Variants in ATXN1 observed in about 807,000 individuals in gnomAD.
ATXN1 encodes ataxin 1.
ATXN1 carries 8 observed loss-of-function variants against 56.4 expected under a neutral mutation model. The observed-to-expected ratio is 0.14, with a 90% CI of 0.08 to 0.26. ATXN1 has a LOEUF of 0.26. Ranked by LOEUF, ATXN1 falls within the 10% of genes least tolerant of loss-of-function variation. The pLI is 1.00. For missense variants in ATXN1, 987 were observed against 1,106.5 expected, an observed-to-expected ratio of 0.89 and a Z score of 1.53; for synonymous variants, 514 against 494.6, an observed-to-expected ratio of 1.04 and a Z score of -0.52.
chr6:16,621,450 G>C (rs1021693434), intron 3 of ATXN1, among the ~76,000 whole-genome samples: 2 of 152,234 alleles, frequency 1.3e-5, no homozygotes, highest in African/African-American at 4.8e-5. Context: ...GGCCAGGCCC[G>C]GCGGCTCATG....
chr6:16,527,609 C>T (rs934063426), intron 4 of ATXN1, among the ~76,000 whole-genome samples: 9 of 152,098 alleles, frequency 5.9e-5, no homozygotes, highest in Non-Finnish European at 1.2e-4. Context: ...CTGGTCCAGC[C>T]GATGCAATTT....
intron 6 of ATXN1, among the ~76,000 whole-genome samples, chr6:16,427,111 G>C (rs1157309721): frequency 1.3e-5 from 2 of 152,150 alleles, no homozygotes; most frequent in African/African-American, 4.8e-5. Flanking sequence ...GTCCTTGACT[G>C]GGGGCCATGC....
At chr6:16,430,028 C>T (rs1003381805) in intron 6 of ATXN1, among the ~76,000 whole-genome samples, 1 of 152,112 alleles carries the variant, frequency 6.6e-6, no homozygotes, top group African/African-American at 2.4e-5. Context: ...CTAAATTTGC[C>T]TGGAGTGACA....
intron 7 of ATXN1, among the ~76,000 whole-genome samples, chr6:16,323,740 T>C (rs1760738577): frequency 6.6e-6 from 1 of 152,004 alleles, no homozygotes; most frequent in East Asian, 1.9e-4. Flanking sequence ...CTAAGTACCA[T>C]GAAAAGCAAT....
At chr6:16,616,258 G>A (rs1017968081) in intron 3 of ATXN1, 2 of 152,114 alleles carry the variant, frequency 1.3e-5, no homozygotes, top group African/African-American at 4.8e-5. Flanking sequence ...ATGGTCAGTT[G>A]ACCAGGCACA....
intron 2 of ATXN1, among the ~76,000 whole-genome samples, chr6:16,673,428 C>G (rs1444139597): frequency 2.6e-5 from 4 of 152,116 alleles, no homozygotes; most frequent in Non-Finnish European, 5.9e-5. Flanking sequence ...CGTTTCCTTC[C>G]TTATCCTGCT....
chr6:16,308,016 T>C lies in ATXN1; in HGVS notation c.1918-1157A>G, dbSNP rs182034764. Among the ~76,000 whole-genome samples, 340 of 152,172 alleles carry C rather than the reference T, an allele frequency of 2.2e-3. 2 individuals carry two copies. The highest frequency in any genetic ancestry group is 7.9e-3 in the African/African-American group (326 of 41,512). ...TAAAAATACAAAACTTAGCCAGGTG[T>C]GGTGGTGGGCCCCTATAATCCCAGC... On this transcript the variant is annotated intron_variant, in intron 7 of 7. Transcript: ENST00000436367.
intron 6 of ATXN1, among the ~76,000 whole-genome samples, chr6:16,463,332 C>T (rs115031411): frequency 0.016 from 2,409 of 152,218 alleles, 71 homozygotes; most frequent in African/African-American, 0.055. Context: ...TTAACATTAC[C>T]GCAGGAAATC....
chr6:16,639,936 G>A lies in ATXN1; in HGVS notation c.-489+17840C>T, dbSNP rs371611711. On this transcript the variant is annotated intron_variant, in intron 3 of 7. Transcript: ENST00000436367. ...TAGGCATCACATGTGACTGCCTGTTGTTGGACAGAGGCAGATGGACAGAAC... is the reference window on the plus strand; with the variant it reads ...TAGGCATCACATGTGACTGCCTGTTATTGGACAGAGGCAGATGGACAGAAC... Among the ~76,000 whole-genome samples the A allele has an allele frequency of 3.3e-5, 5 of 152,264 alleles. 1 individual carries two copies. The highest frequency in any genetic ancestry group is 1.2e-4 in the African/African-American group (5 of 41,542).
At chr6:16,505,313 G>C (rs1760963249) in intron 5 of ATXN1, among the ~76,000 whole-genome samples, 1 of 152,118 alleles carries the variant, frequency 6.6e-6, no homozygotes, top group African/African-American at 2.4e-5. Flanking sequence ...CAAACCATCA[G>C]ACTTTCTGTT....
intron 6 of ATXN1, among the ~76,000 whole-genome samples, chr6:16,426,876 A>G (rs1759168092): frequency 1.3e-5 from 1 of 76,088 alleles, no homozygotes; most frequent in African/African-American, 3.9e-5. Context: ...TGGGGGAAAG[A>G]AAAAAAAAAA....
intron 3 of ATXN1, among the ~76,000 whole-genome samples, chr6:16,623,801 A>C (rs1763360364): frequency 6.6e-6 from 1 of 152,230 alleles, no homozygotes; most frequent in South Asian, 2.1e-4. Flanking sequence ...CTTCAAAAAC[A>C]TATCCGATGT....
At chr6:16,719,831 C>G (rs1250490216) in intron 2 of ATXN1, among the ~76,000 whole-genome samples, 5 of 152,160 alleles carry the variant, frequency 3.3e-5, no homozygotes, top group Non-Finnish European at 7.4e-5. Flanking sequence ...CCAAGGAACG[C>G]CTGGAACCAC....
chr6:16,744,512 G>C (rs944433322), intron 2 of ATXN1, among the ~76,000 whole-genome samples: 4 of 152,116 alleles, frequency 2.6e-5, no homozygotes, highest in Non-Finnish European at 5.9e-5. Context: ...TCCCAGGACA[G>C]GGCTCCCTGA....
At chr6:16,364,074 G>C (rs1761867562) in intron 6 of ATXN1, among the ~76,000 whole-genome samples, 2 of 152,170 alleles carry the variant, frequency 1.3e-5, no homozygotes, top group Admixed American at 1.3e-4. Context: ...AAAGTGTCCA[G>C]TTCATTAAGT....
At chr6:16,595,994 G>A (rs2237174) in intron 3 of ATXN1, among the ~76,000 whole-genome samples, 14,330 of 151,814 alleles carry the variant, frequency 0.094, 1,131 homozygotes, top group East Asian at 0.46. Context: ...TTGCAGCCCC[G>A]TTATTTTGTT....
intron 2 of ATXN1, among the ~76,000 whole-genome samples, chr6:16,714,594 T>C (rs1055279765): frequency 2.0e-5 from 3 of 152,210 alleles, no homozygotes; most frequent in African/African-American, 7.2e-5. Flanking sequence ...CATCAATATA[T>C]AAATATTTAA....
At position 16,327,411 on chromosome 6, in the gene ATXN1, A is replaced by G. The variant is rs1046744723; in HGVS notation, c.900T>C (p.Phe300=). 4 of 1,613,558 alleles carry G rather than the reference A, an allele frequency of 2.5e-6. No individual in the cohort carries two copies. Among genetic ancestry groups the G allele is most frequent in the African/African-American group, 2.7e-5 (2 of 74,910 alleles). The change falls in exon 7 of 8, where the codon TTT becomes TTC. Residue 300 remains phenylalanine (F), a synonymous_variant. Transcript: ENST00000436367. ...CTTTCTTGGTGGCCTCCCGAGGGAC[A>G]AAGTGGCTGCCGGAGTCGGCGTATT... The part of the protein sequence containing the change: ...VMQYADSGSH[F]VPREATKKAE...
chr6:16,579,868 G>A (rs1425985196), intron 4 of ATXN1, among the ~76,000 whole-genome samples: 1 of 151,568 alleles, frequency 6.6e-6, no homozygotes, highest in East Asian at 1.9e-4. Flanking sequence ...AGAGAGAGAA[G>A]AATGATTATT....
Sources: allele counts gnomAD v4.1 joint callset (sites outside exome capture counted in the v4.1 genomes callset), GRCh38; gene constraint gnomAD v4.1.1; transcripts MANE v1.5; gene names NCBI Gene and HGNC (gene_info 2026-07-23, HGNC 2026-07-21).